Variants in TMEM144 observed in about 807,000 individuals in gnomAD.
TMEM144 encodes the protein transmembrane protein 144.
A neutral mutation model predicts 43.6 loss-of-function variants in TMEM144; 39 were observed. The ratio of observed to expected loss-of-function variants is 0.90; its 90% confidence interval spans 0.69 to 1.17. The LOEUF is 1.17. Among genes scored for constraint, TMEM144 ranks in the 50% most tolerant of loss-of-function variants. The pLI is 0.00. For synonymous variants in TMEM144, 154 were observed against 133.6 expected, an observed-to-expected ratio of 1.15 and a Z score of -1.06; for missense variants, 417 against 411.9, an observed-to-expected ratio of 1.01 and a Z score of -0.11.
chr4:158,249,541 G>C (rs778781750), intron 12 of TMEM144, among the ~76,000 whole-genome samples: 29 of 152,126 alleles, frequency 1.9e-4, no homozygotes, highest in Non-Finnish European at 3.7e-4. Context: ...TTTTTCTCTA[G>C]GAGACTGGAC....
intron 3 of TMEM144, chr4:158,213,703 G>T (rs1399381443): frequency 1.3e-5 from 2 of 152,190 alleles, no homozygotes; most frequent in East Asian, 3.8e-4. Flanking sequence ...GTGAACACAT[G>T]TTGGGAATTA....
At chr4:158,218,025 C>T (rs369134970) in intron 5 of TMEM144, among the ~76,000 whole-genome samples, 46 of 152,300 alleles carry the variant, frequency 3.0e-4, no homozygotes, top group African/African-American at 1.1e-3. Context: ...AAGGGAATAA[C>T]TGACCCACAA....
Position 158,215,190 on chromosome 4 carries a change from G to C in TMEM144, c.110-1G>C. ...CTAACACTGAGTTTGTTTATTTCTA[G>C]GAATGTTTCTCCAGTGGGTTCTTTG... On this transcript the variant is annotated splice_acceptor_variant, in intron 3 of 12. Transcript: ENST00000296529. LOFTEE classifies it high-confidence loss of function. The C allele has an allele frequency of 1.2e-6, 2 of 1,613,470 alleles. No individual in the cohort carries two copies. Among genetic ancestry groups the C allele is most frequent in the Non-Finnish European group, 1.7e-6 (2 of 1,179,570 alleles).
intron 7 of TMEM144, 197 bp downstream of exon 7, chr4:158,233,179 A>G: frequency 4.4e-6 from 2 of 453,646 alleles, no homozygotes; most frequent in Non-Finnish European, 8.0e-6. Context: ...CTCAGCAAGC[A>G]CACGGGTTTA....
At chr4:158,243,289 G>C (rs1735714647) in intron 11 of TMEM144, among the ~76,000 whole-genome samples, 1 of 152,134 alleles carries the variant, frequency 6.6e-6, no homozygotes, top group Non-Finnish European at 1.5e-5. Flanking sequence ...CAGTTCCTTT[G>C]ACCTATTTCT....
chr4:158,217,379 C>A lies in TMEM144; in HGVS notation c.291C>A (p.Ile97=). ...KTIGLGLGIL[I]WGSFNALTGW... The stretch of plus-strand genomic sequence containing the variant: ...TTGGTTTAGGCCTTGGAATCTTAAT[C>A]TGGGGATCATTTAATGCCTTAACTG... The change falls in exon 5 of 13, where the codon ATC becomes ATA. Residue 97 remains isoleucine, a synonymous_variant. Coordinates refer to ENST00000296529, the MANE Select transcript of TMEM144 (RefSeq NM_018342.5). The A allele has an allele frequency of 6.2e-7, 1 of 1,613,158 alleles. No homozygotes were observed. The highest frequency in any genetic ancestry group is 8.5e-7 in the Non-Finnish European group (1 of 1,179,412).
At chr4:158,230,109 C>T (rs1734999734) in intron 6 of TMEM144, among the ~76,000 whole-genome samples, 1 of 152,212 alleles carries the variant, frequency 6.6e-6, no homozygotes, top group South Asian at 2.1e-4. Flanking sequence ...CCCTAGGCCC[C>T]AGTGGCGTAG....
chr4:158,212,240 T>C (rs1278818504), intron 2 of TMEM144: 1 of 152,646 alleles, frequency 6.6e-6, no homozygotes, highest in East Asian at 1.9e-4. Flanking sequence ...TGAAAAAATG[T>C]CTAATTCTTG....
intron 6 of TMEM144, among the ~76,000 whole-genome samples, chr4:158,230,916 C>G (rs1735047706): frequency 6.6e-6 from 1 of 151,940 alleles, no homozygotes; most frequent in Admixed American, 6.6e-5. Flanking sequence ...ACCCAAAGAC[C>G]CAGGGAAAAA....
rs981802777 is a variant in TMEM144 at position 158,253,651 on chromosome 4, G to C, written c.*124G>C. ...AATGGATCTCAGCCACTGTTGGAGT[G>C]GGTAAATGATTTTTTTCCCCAAAAA... On this transcript the variant is annotated 3_prime_UTR_variant, in exon 13 of 13. Coordinates refer to ENST00000296529, the MANE Select transcript of TMEM144 (RefSeq NM_018342.5). 4.4e-5 allele frequency: 31 copies of C among 704,206 alleles called. No individual in the cohort carries two copies. In the Middle Eastern group the frequency reaches 1.0e-3, roughly 23 times the overall value. The allele number at this position is 704,206 out of a possible 1,614,324, so 43.6% of individuals were successfully genotyped here.
At chr4:158,219,989 A>C (rs955925712) in intron 6 of TMEM144, among the ~76,000 whole-genome samples, 3 of 152,260 alleles carry the variant, frequency 2.0e-5, no homozygotes, top group African/African-American at 7.2e-5. Flanking sequence ...GGCAGTGTTC[A>C]GTCCATAAAA....
At chr4:158,232,715 A>G (rs903384135) in intron 6 of TMEM144, among the ~76,000 whole-genome samples, 186 bp from the exon 7 acceptor site, 28 of 152,246 alleles carry the variant, frequency 1.8e-4, no homozygotes, top group African/African-American at 6.8e-4. Flanking sequence ...ATTAAGGAAA[A>G]TGAGAAACAT....
At chr4:158,219,707 A>G (rs1276615876) in intron 6 of TMEM144, among the ~76,000 whole-genome samples, 2 of 152,214 alleles carry the variant, frequency 1.3e-5, no homozygotes. Flanking sequence ...TATATTTTGC[A>G]AACTAAAACA....
chr4:158,214,240 C>A (rs938489512), intron 3 of TMEM144, among the ~76,000 whole-genome samples: 2 of 152,074 alleles, frequency 1.3e-5, no homozygotes, highest in Non-Finnish European at 2.9e-5. Context: ...ATCTCAAGGG[C>A]TGGTCTCGAA....
At chr4:158,233,743 C>G (rs1335310203) in intron 7 of TMEM144, 1 of 152,258 alleles carries the variant, frequency 6.6e-6, no homozygotes, top group Non-Finnish European at 1.5e-5. Context: ...CCCCTTACTT[C>G]AAAATTAATC....
chr4:158,216,447 G>A (rs1734227523), intron 4 of TMEM144, among the ~76,000 whole-genome samples: 1 of 152,202 alleles, frequency 6.6e-6, no homozygotes, highest in South Asian at 2.1e-4. Flanking sequence ...AAAATGATGG[G>A]TTCAGCTTGG....
chr4:158,242,937 T>G (rs1266923662), intron 11 of TMEM144, among the ~76,000 whole-genome samples: 1 of 152,202 alleles, frequency 6.6e-6, no homozygotes, highest in Admixed American at 6.5e-5. Flanking sequence ...GTACATACTT[T>G]GACCTATGCT....
Position 158,253,521 on chromosome 4 carries a change from A to C in TMEM144, c.1032A>C (p.Lys344Asn). 2 of 1,613,428 alleles carry C rather than the reference A, an allele frequency of 1.2e-6. No individual in the cohort carries two copies. Among genetic ancestry groups the C allele is most frequent in the Non-Finnish European group, 1.7e-6 (2 of 1,179,600 alleles). ...LTGALCTAFSKI is the reference protein window; with the variant it reads ...LTGALCTAFSNI Reference sequence around the variant, plus strand: ...GAGCCTTATGCACTGCTTTTTCTAAAATCTAACAATGACAAAACCAGCAGG... The same window carrying C: ...GAGCCTTATGCACTGCTTTTTCTAACATCTAACAATGACAAAACCAGCAGG... The change falls in exon 13 of 13, where the codon AAA becomes AAC. Residue 344 changes from lysine to asparagine, a missense_variant. Physicochemically the swap from Lys to Asn is moderately conservative, Grantham distance 94 (BLOSUM62 0). Transcript: ENST00000296529.
At chr4:158,236,129 T>G (rs1207124715) in intron 8 of TMEM144, among the ~76,000 whole-genome samples, 1 of 152,216 alleles carries the variant, frequency 6.6e-6, no homozygotes, top group Non-Finnish European at 1.5e-5. Flanking sequence ...ATTTTACATT[T>G]GATGGCTGCT....
Sources: allele counts gnomAD v4.1 joint callset (sites outside exome capture counted in the v4.1 genomes callset), GRCh38; gene constraint gnomAD v4.1.1; transcripts MANE v1.5; gene names NCBI Gene and HGNC (gene_info 2026-07-23, HGNC 2026-07-21).